Variants in SLC4A4 observed in about 807,000 individuals in gnomAD.
SLC4A4 encodes the protein solute carrier family 4 member 4.
In SLC4A4, 27 loss-of-function variants were observed where a neutral mutation model predicts 111.5. The ratio of observed to expected loss-of-function variants is 0.24; its 90% CI spans 0.18 to 0.33. The LOEUF is 0.33. SLC4A4 is among the 10% of genes least tolerant of loss of function. The probability of loss-of-function intolerance (pLI) is 1.00; values close to 1 mark genes in which losing one functional copy is unlikely to be tolerated. For synonymous variants in SLC4A4, 443 were observed against 463.4 expected, an observed-to-expected ratio of 0.96 and a Z score of 0.57; for missense variants, 909 against 1,315.5, an observed-to-expected ratio of 0.69 and a Z score of 4.78.
rs72650330 is a variant in SLC4A4 at position 71,309,628 on chromosome 4, C to T, written c.254-29742C>T. Among the ~76,000 whole-genome samples the T allele has an allele frequency of 1.3e-3, 202 of 152,182 alleles. 1 individual carries two copies. Among genetic ancestry groups the T allele is most frequent in the Admixed American group, 4.8e-3 (74 of 15,298 alleles). On this transcript the variant is annotated intron_variant, in intron 3 of 25. Coordinates refer to ENST00000264485, the MANE Select transcript of SLC4A4 (RefSeq NM_001098484.3). Reference sequence around the variant, plus strand: ...AAACTAACAAAACAAGAAGCAATAACGTCAACATCAACAAAAAGGACCCCC... The same window carrying T: ...AAACTAACAAAACAAGAAGCAATAATGTCAACATCAACAAAAAGGACCCCC...
At chr4:71,369,702 G>T (rs146653281) in intron 6 of SLC4A4, among the ~76,000 whole-genome samples, 68 of 152,294 alleles carry the variant, frequency 4.5e-4, no homozygotes, top group African/African-American at 1.6e-3. Context: ...TTGGTAAAGT[G>T]ACAAGATTTA....
chr4:71,255,616 CCTGA>C (rs1194520099), intron 3 of SLC4A4, among the ~76,000 whole-genome samples: 4 of 152,162 alleles, frequency 2.6e-5, no homozygotes, highest in East Asian at 1.9e-4. Flanking sequence ...TCAGAAAAGG[CCTGA>C]CTAAGTTTAG....
At position 71,105,842 on chromosome 4, in the gene SLC4A4, C is replaced by CG. The variant is rs1489051521; in HGVS notation, c.-2+13050_-2+13051insG. On this transcript the variant is annotated intron_variant, in intron 2 of 26. Coordinates refer to the SLC4A4 transcript ENST00000649996. The stretch of plus-strand genomic sequence containing the variant: ...CCCTAGAAGAAAACCTAGGCATTAC[C>CG]ATTCAGGACATAGGCATGGGCAAGG... Among the ~76,000 whole-genome samples, 454 of 138,460 alleles carry CG rather than the reference C, an allele frequency of 3.3e-3. 3 individuals carry two copies. Among genetic ancestry groups the CG allele is most frequent in the Non-Finnish European group, 3.8e-3 (245 of 64,140 alleles). The allele number at this position is 138,460 out of a possible 152,430, so 90.8% of individuals were successfully genotyped here.
chr4:71,153,746 C>G (rs561010820), intron 2 of SLC4A4, among the ~76,000 whole-genome samples: 1 of 152,108 alleles, frequency 6.6e-6, no homozygotes, highest in African/African-American at 2.4e-5. Context: ...AGGCCAGACT[C>G]GCTGTCTACT....
chr4:71,084,322 T>C (rs551316578), intron 1 of SLC4A4, among the ~76,000 whole-genome samples: 1 of 152,180 alleles, frequency 6.6e-6, no homozygotes, highest in Non-Finnish European at 1.5e-5. Context: ...CATATGTATG[T>C]TTCAACTTAT....
intron 3 of SLC4A4, among the ~76,000 whole-genome samples, chr4:71,267,299 G>C (rs1019648510): frequency 6.6e-6 from 1 of 152,122 alleles, no homozygotes; most frequent in East Asian, 1.9e-4. Flanking sequence ...GTTAGGAAAG[G>C]CTTCTCTGAG....
chr4:71,116,686 G>A lies in SLC4A4; in HGVS notation c.-2+23894G>A, dbSNP rs147062191. On this transcript the variant is annotated intron_variant, in intron 2 of 26. Transcript: ENST00000649996. ...TGGCCGGACGTGGTGGCTCACGCCT[G>A]TAATCCCAGCACTTTGGGAGGCTGA... Among the ~76,000 whole-genome samples, 1,144 of 152,356 alleles carry A rather than the reference G, an allele frequency of 7.5e-3. 16 individuals are homozygous for A. The highest frequency in any genetic ancestry group is 0.026 in the African/African-American group (1,085 of 41,588).
At chr4:71,492,563 C>T (rs1263901581) in intron 15 of SLC4A4, among the ~76,000 whole-genome samples, 2 of 152,082 alleles carry the variant, frequency 1.3e-5, no homozygotes, top group East Asian at 1.9e-4. Flanking sequence ...CTGGTCTATC[C>T]GCTGTTAGAT....
intron 1 of SLC4A4, among the ~76,000 whole-genome samples, chr4:71,065,273 A>T (rs1452684430): frequency 6.6e-6 from 1 of 152,036 alleles, no homozygotes; most frequent in Non-Finnish European, 1.5e-5. Context: ...CATCCATTTT[A>T]TTTTATTTTT....
chr4:71,517,327 G>C (rs1396182224), intron 16 of SLC4A4, among the ~76,000 whole-genome samples: 1 of 150,804 alleles, frequency 6.6e-6, no homozygotes, highest in Non-Finnish European at 1.5e-5. Flanking sequence ...CAAATAACTT[G>C]TCTTTAAGTT....
intron 7 of SLC4A4, among the ~76,000 whole-genome samples, chr4:71,423,942 A>T (rs981672629): frequency 1.6e-4 from 24 of 152,190 alleles, no homozygotes; most frequent in African/African-American, 5.3e-4. Context: ...CAAGGACTTC[A>T]TGTCTAAAAC....
intron 3 of SLC4A4, among the ~76,000 whole-genome samples, chr4:71,303,959 A>G (rs1303973889): frequency 2.6e-5 from 4 of 152,116 alleles, no homozygotes; most frequent in Non-Finnish European, 5.9e-5. Flanking sequence ...ATTCCTATGC[A>G]TTGTCTTATT....
chr4:71,144,038 T>C (rs1260375921), intron 2 of SLC4A4, among the ~76,000 whole-genome samples: 4 of 152,214 alleles, frequency 2.6e-5, no homozygotes, highest in Non-Finnish European at 5.9e-5. Context: ...ATGTCCTGAA[T>C]GGTATTGCCT....
At chr4:71,516,469 G>C (rs972272719) in intron 16 of SLC4A4, among the ~76,000 whole-genome samples, 19 of 152,074 alleles carry the variant, frequency 1.2e-4, no homozygotes, top group African/African-American at 4.3e-4. Context: ...ACCAGTAATG[G>C]CTGTGCTCCC....
At chr4:71,212,891 G>A (rs1187528981) in intron 1 of SLC4A4, among the ~76,000 whole-genome samples, 1 of 152,110 alleles carries the variant, frequency 6.6e-6, no homozygotes, top group Non-Finnish European at 1.5e-5. Context: ...GGTCAATGAT[G>A]GGCCACATAT....
chr4:71,548,482 AATTTT>A (rs1000867877), intron 20 of SLC4A4, among the ~76,000 whole-genome samples: 3 of 151,850 alleles, frequency 2.0e-5, no homozygotes, highest in Admixed American at 2.0e-4. Context: ...TGAAGTTTCC[AATTTT>A]CTTTTATGAT....
At chr4:71,545,471 A>T (rs1735438326) in intron 18 of SLC4A4, among the ~76,000 whole-genome samples, 1 of 151,978 alleles carries the variant, frequency 6.6e-6, no homozygotes, top group Admixed American at 6.6e-5. Context: ...CAGGCTCCAT[A>T]GGGGTATCAA....
At chr4:71,215,906 T>TC (rs1219985415) in intron 1 of SLC4A4, among the ~76,000 whole-genome samples, 1 of 149,534 alleles carries the variant, frequency 6.7e-6, no homozygotes, top group Non-Finnish European at 1.5e-5. Context: ...CATTTCTATT[T>TC]TTTTTTTTTT....
chr4:71,343,773 G>A (rs993618274), intron 4 of SLC4A4, among the ~76,000 whole-genome samples: 5 of 152,036 alleles, frequency 3.3e-5, no homozygotes, highest in African/African-American at 1.2e-4. Flanking sequence ...CTTCCTTTAT[G>A]AATTATCTGC....
Sources: allele counts gnomAD v4.1 joint callset (sites outside exome capture counted in the v4.1 genomes callset), GRCh38; gene constraint gnomAD v4.1.1; transcripts MANE v1.5; gene names NCBI Gene and HGNC (gene_info 2026-07-23, HGNC 2026-07-21).